REXO1: variants seen among roughly 807,000 people sequenced by gnomAD.
The protein encoded by REXO1 is RNA exonuclease 1 homolog.
In REXO1, 42 loss-of-function variants were observed where a neutral mutation model predicts 102.6. The observed-to-expected ratio is 0.41, with a 90% CI of 0.32 to 0.53. The LOEUF is 0.53. Ranked by LOEUF, REXO1 falls within the 20% of genes least tolerant of loss-of-function variation. The pLI, the probability that REXO1 is intolerant of heterozygous loss-of-function variation, is 0.27. For synonymous variants in REXO1, 908 were observed against 779.1 expected (o/e 1.17, Z -2.76); for missense variants, 1,819 against 1,732.5 (o/e 1.05, Z -0.89).
At position 1,828,203 on chromosome 19, in the gene REXO1, C is replaced by T. The variant is rs369158434; in HGVS notation, c.586G>A (p.Gly196Ser). Residue 196 changes from glycine to serine, a missense_variant, in exon 2 of 16, where the codon GGC (glycine) becomes AGC (serine). Physicochemically the swap from Gly to Ser is moderately conservative, Grantham distance 56. Coordinates refer to ENST00000170168, the MANE Select transcript of REXO1 (RefSeq NM_020695.4). The stretch of plus-strand genomic sequence containing the variant: ...TTGGGGACGTATTCCAGGGCACCGC[C>T]ACCCCCTCCACCTCTGCCCTGACCC... ...DRGQGRGGGG[G>S]GALEYVPKAV... 4 of 1,605,170 alleles carry T rather than the reference C, an allele frequency of 2.5e-6. No individual in the cohort carries two copies. Among genetic ancestry groups the T allele is most frequent in the Admixed American group, 1.7e-5 (1 of 58,040 alleles).
At chr19:1,846,938 T>A (rs1041667123) in intron 1 of REXO1, among the ~76,000 whole-genome samples, 1 of 152,132 alleles carries the variant, frequency 6.6e-6, no homozygotes, top group Non-Finnish European at 1.5e-5. Flanking sequence ...TGTCACAGCC[T>A]CCGAGAAGCC....
At chr19:1,840,598 ACCCAG>A (rs2011232680) in intron 1 of REXO1, among the ~76,000 whole-genome samples, 1 of 151,166 alleles carries the variant, frequency 6.6e-6, no homozygotes, top group South Asian at 2.1e-4. Context: ...ATCCTCCAAA[ACCCAG>A]CCCAGTAATC....
intron 1 of REXO1, among the ~76,000 whole-genome samples, chr19:1,835,577 T>C (rs924574245): frequency 4.6e-5 from 7 of 151,876 alleles, no homozygotes; most frequent in African/African-American, 7.3e-5. Context: ...CACACACACA[T>C]ACATAAATGA....
chr19:1,840,197 C>A (rs889369447), intron 1 of REXO1, among the ~76,000 whole-genome samples: 1 of 152,244 alleles, frequency 6.6e-6, no homozygotes, highest in Non-Finnish European at 1.5e-5. Flanking sequence ...CCCTGCCAGG[C>A]TCTTCTGAGC....
intron 1 of REXO1, among the ~76,000 whole-genome samples, chr19:1,831,845 C>CAAAAA (rs745676775): frequency 9.7e-5 from 5 of 51,286 alleles, no homozygotes; most frequent in Non-Finnish European, 1.2e-4. Flanking sequence ...AACTCCATCT[C>CAAAAA]AAAAAAAAAA....
chr19:1,827,503 C>A lies in REXO1; in HGVS notation c.1286G>T (p.Arg429Leu). 1 of 1,580,974 alleles carries A rather than the reference C, an allele frequency of 6.3e-7. No individual in the cohort carries two copies. The highest frequency in any genetic ancestry group is 8.5e-7 in the Non-Finnish European group (1 of 1,173,154). Residue 429 changes from arginine (R) to leucine (L), a missense_variant, in exon 2 of 16, where the codon CGG (arginine) becomes CTG (leucine). Arg to Leu is a moderately radical substitution (Grantham distance 102). Transcript: ENST00000170168. ...TGGCTTCTTCTTGGTCCCTTCCGGC[C>A]GCTCTGCCTTGCGCCGGGGGCTGCT... Reference protein sequence around the residue: ...QASSPRRKAERPEGTKKKPSS... With the variant: ...QASSPRRKAELPEGTKKKPSS...
chr19:1,815,675 C>T lies in REXO1; in HGVS notation c.*391G>A. 1.6e-6 allele frequency: 2 copies of T among 1,278,940 alleles called. No individual in the cohort carries two copies. The highest frequency in any genetic ancestry group is 1.0e-6 in the Non-Finnish European group (1 of 1,002,386). The allele number at this position is 1,278,940 out of a possible 1,614,324, so 79.2% of individuals were successfully genotyped here. A position where few individuals can be genotyped will look rare whatever the true frequency, so the allele number is the denominator to read the frequency against. On this transcript the variant is annotated 3_prime_UTR_variant, in exon 16 of 16. Coordinates refer to ENST00000170168, the MANE Select transcript of REXO1 (RefSeq NM_020695.4). This position sits in a 1 kb window ranked among gnomAD's most constrained non-coding sequence, Gnocchi z 4.0. ...AATAACAATACAAAATAAAAAAAGA[C>T]TGTCTCAAACAAACCTGGGACAAGC... is the stretch of plus-strand genomic sequence containing the variant.
intron 1 of REXO1, among the ~76,000 whole-genome samples, chr19:1,844,559 C>T (rs1214427865): frequency 6.6e-6 from 1 of 152,168 alleles, no homozygotes. Flanking sequence ...CAGGGCTCCC[C>T]ATGTACCTGG....
chr19:1,848,071 G>A (rs1007904023), intron 1 of REXO1, 131 bp downstream of exon 1: 1 of 433,338 alleles, frequency 2.3e-6, no homozygotes, highest in Non-Finnish European at 3.8e-6. Flanking sequence ...GGTCCCGACT[G>A]GGAAAACCGT....
At chr19:1,841,162 G>A (rs1440215095) in intron 1 of REXO1, among the ~76,000 whole-genome samples, 3 of 151,846 alleles carry the variant, frequency 2.0e-5, no homozygotes, top group African/African-American at 7.3e-5. Flanking sequence ...AGGTCCCCGT[G>A]AGGCTCAGGG....
In REXO1 at chr19:1,827,718, G is replaced by C. The variant is rs1259211910; in HGVS notation, c.1071C>G (p.Ala357=). 6.4e-7 allele frequency: 1 copy of C among 1,570,828 alleles called. No individual in the cohort carries two copies. The highest frequency in any genetic ancestry group is 2.0e-5 in the Admixed American group (1 of 50,798). The change falls in exon 2 of 16, where the codon GCC becomes GCG. Residue 357 remains alanine (A), a synonymous_variant. Transcript: ENST00000170168. ...GTGAGGACTGGACCTGGGCTGGGGA[G>C]GCGGGCTTGGCTGGGGGCGGCTGGA... ...GDLQPPPAKP[A]SPAQVQSSQD... is the part of the protein sequence containing the mutation.
At chr19:1,832,617 A>G (rs541968508) in intron 1 of REXO1, among the ~76,000 whole-genome samples, 1 of 150,778 alleles carries the variant, frequency 6.6e-6, no homozygotes, top group Admixed American at 6.6e-5. Flanking sequence ...TCATCCCAGC[A>G]CGGTGGCTCA....
intron 1 of REXO1, among the ~76,000 whole-genome samples, chr19:1,838,144 AC>A (rs377612042): frequency 7.8e-4 from 119 of 151,982 alleles, no homozygotes; most frequent in African/African-American, 2.6e-3. Flanking sequence ...ACATGGGGAA[AC>A]CCCGTCCCTA....
chr19:1,828,626 C>G lies in REXO1; in HGVS notation c.163G>C (p.Gly55Arg). The change falls in exon 2 of 16, where the codon GGT becomes CGT. Residue 55 changes from glycine to arginine, a missense_variant. Gly to Arg is a moderately radical substitution (Grantham distance 125, BLOSUM62 -2). Coordinates refer to ENST00000170168, the MANE Select transcript of REXO1 (RefSeq NM_020695.4). ...AGCTCAGGGTTGTAGGGGTCGTAAC[C>G]CAGCCCTGAAGGGAACAGAGAGCAC... ...GGEAPPAAGL[G>R]YDPYNPELPK... The G allele has an allele frequency of 6.3e-7, 1 of 1,598,556 alleles. No homozygotes were observed. Among genetic ancestry groups the G allele is most frequent in the Non-Finnish European group, 8.5e-7 (1 of 1,178,602 alleles).
At chr19:1,844,867 C>G (rs1283423136) in intron 1 of REXO1, among the ~76,000 whole-genome samples, 1 of 152,246 alleles carries the variant, frequency 6.6e-6, no homozygotes, top group African/African-American at 2.4e-5. Flanking sequence ...ACGTGGTGCC[C>G]TCAGCCTCTG....
At chr19:1,816,851 A>C (rs746091191) in intron 12 of REXO1, 38 bp from the exon 13 acceptor site, 12 of 1,494,410 alleles carry the variant, frequency 8.0e-6, no homozygotes, top group Non-Finnish European at 1.1e-5. Flanking sequence ...TGTCCCAGGC[A>C]CCGGCCTCCC....
At chr19:1,834,964 G>A (rs1280117124) in intron 1 of REXO1, 6 of 441,188 alleles carry the variant, frequency 1.4e-5, no homozygotes, top group South Asian at 9.5e-5. Flanking sequence ...ACTGGTGCTG[G>A]AAGGCAGCAT....
intron 1 of REXO1, among the ~76,000 whole-genome samples, chr19:1,847,334 T>C (rs1205360859): frequency 1.3e-5 from 2 of 152,200 alleles, no homozygotes; most frequent in Non-Finnish European, 2.9e-5. Flanking sequence ...GACTGTTTCA[T>C]GGTTAAAGTA....
intron 7 of REXO1, among the ~76,000 whole-genome samples, 162 bp from the exon 8 acceptor site, chr19:1,819,293 G>C (rs992349086): frequency 2.0e-5 from 3 of 151,310 alleles, no homozygotes; most frequent in Admixed American, 2.0e-4. Context: ...ACCCGAACAG[G>C]AGAGGCAGAC....
Sources: gnomAD v4.1 joint callset for allele counts (sites outside exome capture counted in the v4.1 genomes callset) on GRCh38, gnomAD v4.1.1 for gene constraint, Gnocchi (gnomAD v3.1) non-coding constraint, MANE v1.5 for transcripts, NCBI Gene and HGNC (gene_info 2026-07-23, HGNC 2026-07-21) for gene names.